The following PARD3 variants were observed in gnomAD, a reference collection of about 807,000 sequenced individuals.
PARD3 encodes the protein partitioning defective 3 homolog.
A neutral mutation model predicts 155.4 loss-of-function variants in PARD3; 75 were observed. The observed-to-expected ratio is 0.48, with a 90% CI of 0.40 to 0.58. The LOEUF is 0.58. PARD3 is among the 20% of genes least tolerant of loss of function. The probability of loss-of-function intolerance (pLI) is 0.00; values close to 1 mark genes in which losing one functional copy is unlikely to be tolerated. For missense variants in PARD3, 1,642 were observed against 1,721.7 expected (o/e 0.95, Z 0.82); for synonymous variants, 576 against 610.5 (o/e 0.94, Z 0.83).
At chr10:34,319,935 A>C (rs1958274601) in intron 19 of PARD3, among the ~76,000 whole-genome samples, 1 of 152,220 alleles carries the variant, frequency 6.6e-6, no homozygotes, top group Admixed American at 6.5e-5. Context: ...GATAAATGGA[A>C]GCTAGTGAAT....
intron 2 of PARD3, among the ~76,000 whole-genome samples, chr10:34,693,161 T>C (rs1327680626): frequency 6.6e-6 from 1 of 152,158 alleles, no homozygotes; most frequent in African/African-American, 2.4e-5. Context: ...GGAATGTAAA[T>C]TAGTTTGGCC....
At chr10:34,633,674 A>T (rs2092362723) in intron 2 of PARD3, among the ~76,000 whole-genome samples, 1 of 152,234 alleles carries the variant, frequency 6.6e-6, no homozygotes, top group Non-Finnish European at 1.5e-5. Context: ...TTGATTTCAA[A>T]TCTTTCAGGT....
intron 20 of PARD3, among the ~76,000 whole-genome samples, chr10:34,305,026 T>C (rs1957335737): frequency 6.6e-6 from 1 of 152,222 alleles, no homozygotes; most frequent in Non-Finnish European, 1.5e-5. Flanking sequence ...TGTAGTTGGT[T>C]TCCATCACTT....
intron 22 of PARD3, among the ~76,000 whole-genome samples, chr10:34,252,599 C>T (rs754911778): frequency 6.6e-6 from 1 of 152,104 alleles, no homozygotes; most frequent in Non-Finnish European, 1.5e-5. Flanking sequence ...GTGTCTCAGC[C>T]CTGGATCATC....
At chr10:34,142,986 T>C (rs1948273700) in intron 22 of PARD3, among the ~76,000 whole-genome samples, 1 of 152,144 alleles carries the variant, frequency 6.6e-6, no homozygotes, top group African/African-American at 2.4e-5. Flanking sequence ...TGAAAAATCT[T>C]GACAAACTAA....
chr10:34,124,834 T>C (rs889397590), intron 23 of PARD3, among the ~76,000 whole-genome samples: 4 of 152,180 alleles, frequency 2.6e-5, no homozygotes, highest in Non-Finnish European at 5.9e-5. Flanking sequence ...ATAAAAAGGT[T>C]GCTCTACAAA....
At chr10:34,147,714 T>C (rs1254552212) in intron 22 of PARD3, among the ~76,000 whole-genome samples, 3 of 151,988 alleles carry the variant, frequency 2.0e-5, no homozygotes, top group Admixed American at 6.6e-5. Flanking sequence ...TGTTTTTCTC[T>C]TTATATATAT....
At chr10:34,271,451 A>C (rs1955607307) in intron 21 of PARD3, among the ~76,000 whole-genome samples, 1 of 152,186 alleles carries the variant, frequency 6.6e-6, no homozygotes, top group Non-Finnish European at 1.5e-5. Flanking sequence ...AAAGAAGAAA[A>C]GTTACATGAT....
chr10:34,605,568 ATATATATCTCC>A (rs1455331578), intron 2 of PARD3, among the ~76,000 whole-genome samples: 1 of 72,658 alleles, frequency 1.4e-5, no homozygotes, highest in African/African-American at 1.3e-4. Flanking sequence ...TCCTATATAT[ATATATATCTCC>A]TATATATATC....
At chr10:34,553,532 G>A (rs1390895514) in intron 2 of PARD3, among the ~76,000 whole-genome samples, 1 of 152,190 alleles carries the variant, frequency 6.6e-6, no homozygotes, top group African/African-American at 2.4e-5. Context: ...GGGATAAACA[G>A]ATGAGAAAAC....
chr10:34,646,598 C>G (rs2092844674), intron 2 of PARD3, among the ~76,000 whole-genome samples: 1 of 152,248 alleles, frequency 6.6e-6, no homozygotes, highest in South Asian at 2.1e-4. Context: ...GACTTCATCT[C>G]TATCACGGAA....
chr10:34,730,507 T>A (rs536521751), intron 1 of PARD3, among the ~76,000 whole-genome samples: 1 of 152,314 alleles, frequency 6.6e-6, no homozygotes, highest in South Asian at 2.1e-4. Context: ...ATATACTCCA[T>A]GGCTAGGAGC....
chr10:34,353,869 T>C (rs1838482089), intron 14 of PARD3, among the ~76,000 whole-genome samples: 1 of 151,878 alleles, frequency 6.6e-6, no homozygotes, highest in African/African-American at 2.4e-5. Context: ...GGACTCAGTT[T>C]TTCTCTAAAA....
chr10:34,442,085 G>T (rs2076493336), intron 5 of PARD3, among the ~76,000 whole-genome samples: 1 of 152,128 alleles, frequency 6.6e-6, no homozygotes, highest in African/African-American at 2.4e-5. Flanking sequence ...TTTTATGAAG[G>T]TTTGCCAACT....
At chr10:34,259,377 G>T (rs77254643) in intron 22 of PARD3, among the ~76,000 whole-genome samples, 10,389 of 152,216 alleles carry the variant, frequency 0.068, 489 homozygotes, top group Non-Finnish European at 0.097. Flanking sequence ...CTCGAGGGGA[G>T]AATCTGCTTC....
chr10:34,408,768 T>C (rs1360363865), intron 5 of PARD3, among the ~76,000 whole-genome samples: 1 of 152,060 alleles, frequency 6.6e-6, no homozygotes, highest in East Asian at 1.9e-4. Context: ...ATGATCATTA[T>C]ATTCTGCCAG....
At chr10:34,623,746 C>T (rs1014316339) in intron 2 of PARD3, among the ~76,000 whole-genome samples, 31 of 149,904 alleles carry the variant, frequency 2.1e-4, no homozygotes, top group African/African-American at 6.6e-4. Context: ...TTTGGGAGGA[C>T]GAAGTGGGGC....
intron 20 of PARD3, among the ~76,000 whole-genome samples, chr10:34,310,871 T>G (rs760402544): frequency 6.6e-6 from 1 of 152,254 alleles, no homozygotes; most frequent in Non-Finnish European, 1.5e-5. Context: ...ACAGAGCTGT[T>G]CTTTGTCCAG....
At chr10:34,411,191 C>A (rs4113503) in intron 5 of PARD3, among the ~76,000 whole-genome samples, 6,785 of 152,228 alleles carry the variant, frequency 0.045, 175 homozygotes, top group Middle Eastern at 0.068. Flanking sequence ...CAAAAAGACA[C>A]ACATACCCCT....
Sources: allele counts gnomAD v4.1 joint callset (sites outside exome capture counted in the v4.1 genomes callset), GRCh38; gene constraint gnomAD v4.1.1; transcripts MANE v1.5; gene names NCBI Gene and HGNC (gene_info 2026-07-23, HGNC 2026-07-21).